Variants in CCSER1 observed in about 807,000 individuals in gnomAD.
The protein encoded by CCSER1 is serine-rich coiled-coil domain-containing protein 1.
Under a neutral mutation model 82.0 loss-of-function variants are expected in CCSER1, and 41 were observed. The observed-to-expected ratio is 0.50, with a 90% CI of 0.39 to 0.65. CCSER1 has a LOEUF of 0.65. Ranked by LOEUF, CCSER1 falls within the 30% of genes least tolerant of loss-of-function variation. The probability of loss-of-function intolerance (pLI) is 0.00; values close to 1 mark genes in which losing one functional copy is unlikely to be tolerated. For synonymous variants in CCSER1, 414 were observed against 383.9 expected, an observed-to-expected ratio of 1.08 and a Z score of -0.92; for missense variants, 1,119 against 1,064.2, an observed-to-expected ratio of 1.05 and a Z score of -0.72.
At chr4:91,024,608 C>T (rs1329293725) in intron 9 of CCSER1, among the ~76,000 whole-genome samples, 1 of 151,830 alleles carries the variant, frequency 6.6e-6, no homozygotes, top group Non-Finnish European at 1.5e-5. Flanking sequence ...AAATATTGTT[C>T]AGTGGATTGA....
chr4:90,192,335 C>T (rs1209591089), intron 1 of CCSER1, among the ~76,000 whole-genome samples: 2 of 151,980 alleles, frequency 1.3e-5, no homozygotes, highest in Middle Eastern at 3.2e-3. Flanking sequence ...TCCCACAACA[C>T]GTGGGAATTC....
chr4:90,656,729 T>C (rs957891504), intron 6 of CCSER1, among the ~76,000 whole-genome samples: 1 of 151,958 alleles, frequency 6.6e-6, no homozygotes, highest in Non-Finnish European at 1.5e-5. Flanking sequence ...TATGTTCCTT[T>C]TTGTATCTCC....
intron 3 of CCSER1, among the ~76,000 whole-genome samples, chr4:90,349,142 G>A (rs1166718248): frequency 2.0e-5 from 3 of 151,990 alleles, no homozygotes; most frequent in Non-Finnish European, 4.4e-5. Flanking sequence ...AGGGAATTTG[G>A]GAAGGTGAAA....
chr4:90,333,628 A>T (rs1003883238), intron 3 of CCSER1, among the ~76,000 whole-genome samples: 2 of 152,208 alleles, frequency 1.3e-5, no homozygotes, highest in Non-Finnish European at 1.5e-5. Flanking sequence ...TTACTTCAGC[A>T]TCTCAGTGAG....
chr4:91,259,201 G>A (rs1052591946), intron 10 of CCSER1, among the ~76,000 whole-genome samples: 4 of 152,110 alleles, frequency 2.6e-5, no homozygotes, highest in Admixed American at 1.3e-4. Flanking sequence ...TATGAAAGTT[G>A]CCTTAAAGAT....
chr4:90,811,554 A>C (rs981367563), intron 7 of CCSER1, among the ~76,000 whole-genome samples: 4 of 152,200 alleles, frequency 2.6e-5, no homozygotes, highest in African/African-American at 9.6e-5. Flanking sequence ...TTAGACTGTC[A>C]ATGTGGAATG....
chr4:90,338,212 C>G (rs1740761046), intron 3 of CCSER1, among the ~76,000 whole-genome samples: 1 of 152,206 alleles, frequency 6.6e-6, no homozygotes, highest in African/African-American at 2.4e-5. Context: ...TCACTTGCTC[C>G]TTTCTACCTA....
intron 7 of CCSER1, among the ~76,000 whole-genome samples, chr4:90,744,853 A>T (rs1030449234): frequency 6.6e-6 from 1 of 152,158 alleles, no homozygotes; most frequent in Non-Finnish European, 1.5e-5. Context: ...TCCCCTATCC[A>T]TGGAAAAATT....
chr4:91,261,264 A>G (rs908438798), intron 10 of CCSER1, among the ~76,000 whole-genome samples: 8 of 152,182 alleles, frequency 5.3e-5, no homozygotes, highest in Non-Finnish European at 1.2e-4. Context: ...CATCATCCCC[A>G]GTGGTGACTC....
chr4:90,575,049 C>T (rs1163844695), intron 5 of CCSER1, among the ~76,000 whole-genome samples: 1 of 152,196 alleles, frequency 6.6e-6, no homozygotes, highest in Non-Finnish European at 1.5e-5. Flanking sequence ...ACACCACTCC[C>T]TGGTTCATCA....
intron 10 of CCSER1, among the ~76,000 whole-genome samples, chr4:91,216,941 TTG>T (rs1560522356): frequency 6.6e-6 from 1 of 152,088 alleles, no homozygotes. Flanking sequence ...TTAGGGGGTA[TTG>T]TGTCCGGAAT....
chr4:91,443,696 G>A (rs12501170), intron 10 of CCSER1, among the ~76,000 whole-genome samples: 119,440 of 147,700 alleles, frequency 0.81, 48,509 homozygotes, highest in East Asian at 0.92. Context: ...TAATATTAGC[G>A]ATCAGAAAAA....
At chr4:90,373,589 A>G (rs1341226891) in intron 3 of CCSER1, among the ~76,000 whole-genome samples, 1 of 152,184 alleles carries the variant, frequency 6.6e-6, no homozygotes, top group Admixed American at 6.6e-5. Context: ...TTTAGTGATC[A>G]ATTGCTTTAA....
At chr4:90,556,986 C>A (rs1307931052) in intron 5 of CCSER1, among the ~76,000 whole-genome samples, 1 of 151,618 alleles carries the variant, frequency 6.6e-6, no homozygotes, top group Non-Finnish European at 1.5e-5. Flanking sequence ...TCAATAACAA[C>A]TTGTTTTTTT....
At chr4:90,179,198 G>C (rs928364806) in intron 1 of CCSER1, among the ~76,000 whole-genome samples, 1 of 152,034 alleles carries the variant, frequency 6.6e-6, no homozygotes, top group Non-Finnish European at 1.5e-5. Flanking sequence ...GAAAATAATT[G>C]AGTGAAAGCT....
At chr4:90,153,925 T>A (rs1032981604) in intron 1 of CCSER1, among the ~76,000 whole-genome samples, 1 of 152,208 alleles carries the variant, frequency 6.6e-6, no homozygotes, top group African/African-American at 2.4e-5. Context: ...CCATTGCTTT[T>A]GGTGTTTTAG....
chr4:91,225,281 A>AAT (rs1436688208), intron 10 of CCSER1, among the ~76,000 whole-genome samples: 41 of 47,752 alleles, frequency 8.6e-4, no homozygotes, highest in African/African-American at 4.9e-3. Flanking sequence ...TACATTTTAT[A>AAT]TATGTAATAT....
At chr4:91,543,291 T>G (rs893491880) in intron 10 of CCSER1, among the ~76,000 whole-genome samples, 1 of 152,170 alleles carries the variant, frequency 6.6e-6, no homozygotes, top group Non-Finnish European at 1.5e-5. Flanking sequence ...GGAGCATTTA[T>G]CCCATTTACA....
At chr4:90,205,626 G>T (rs963881933) in intron 1 of CCSER1, among the ~76,000 whole-genome samples, 2 of 152,004 alleles carry the variant, frequency 1.3e-5, no homozygotes, top group Admixed American at 6.6e-5. Flanking sequence ...TTTTTGCATC[G>T]ATGTTCATCA....
Sources: gnomAD v4.1 joint callset for allele counts (sites outside exome capture counted in the v4.1 genomes callset) on GRCh38, gnomAD v4.1.1 for gene constraint, MANE v1.5 for transcripts, NCBI Gene and HGNC (gene_info 2026-07-23, HGNC 2026-07-21) for gene names.